Variants in PBOV1 observed in about 807,000 individuals in gnomAD.
The protein encoded by PBOV1 is prostate and breast cancer overexpressed 1, also known as prostate and breast cancer overexpressed gene 1 protein.
For missense variants in PBOV1, 147 were observed against 151.4 expected, an observed-to-expected ratio of 0.97 and a Z score of 0.15; for synonymous variants, 46 against 55.9, an observed-to-expected ratio of 0.82 and a Z score of 0.79.
At position 138,218,202 on chromosome 6, in the gene PBOV1, G is replaced by T; in HGVS notation, c.194C>A (p.Ala65Glu). ...TATGGAATAATCAATGAACTCTGTT[G>T]CCTTTTGACTTCTTTTTACTTTTTC... ...KKEKVKRSQK[A>E]TEFIDYSIEQ... The change falls in exon 1 of 1, where the codon GCA becomes GAA. Residue 65 changes from alanine (A) to glutamate (E), a missense_variant. By Grantham distance (107) the Ala-to-Glu change is moderately radical. Transcript: ENST00000527246. The T allele has an allele frequency of 6.2e-7, 1 of 1,613,878 alleles. No homozygotes were observed. Among genetic ancestry groups the T allele is most frequent in the Non-Finnish European group, 8.5e-7 (1 of 1,179,840 alleles).
In PBOV1 at chr6:138,217,940, T is replaced by C. The variant is rs1242878479; in HGVS notation, c.*48A>G. Reference sequence around the variant, plus strand: ...AGTCATTGGTAGCAGAATTGCCTTTTCAACCATTTTTATTTTTCTGGAAAG... The same window carrying C: ...AGTCATTGGTAGCAGAATTGCCTTTCCAACCATTTTTATTTTTCTGGAAAG... On this transcript the variant is annotated 3_prime_UTR_variant, in exon 1 of 1. Coordinates refer to ENST00000527246, the MANE Select transcript of PBOV1 (RefSeq NM_021635.3). 6.5e-7 allele frequency: 1 copy of C among 1,542,684 alleles called. No individual in the cohort carries two copies. The highest frequency in any genetic ancestry group is 8.7e-7 in the Non-Finnish European group (1 of 1,145,566).
rs941058258 is a variant in PBOV1, at chr6:138,217,497, A to G, written c.*491T>C. On this transcript the variant is annotated 3_prime_UTR_variant, in exon 1 of 1. Coordinates refer to ENST00000527246, the MANE Select transcript of PBOV1 (RefSeq NM_021635.3). ...TAAATATATAAATACACTAGTCCCC[A>G]CTTATCCAAAGTTTCACTTTCCTTG... 1 of 153,234 alleles carries G rather than the reference A, an allele frequency of 6.5e-6. No individual in the cohort carries two copies. Among genetic ancestry groups the G allele is most frequent in the Non-Finnish European group, 1.5e-5 (1 of 68,750 alleles). 9.5% of individuals were successfully genotyped at this position (153,234 alleles called of 1,614,324 possible).
In PBOV1 at chr6:138,216,795, A is replaced by G. The variant is rs144087775; in HGVS notation, c.*1193T>C. The G allele has an allele frequency of 6.6e-6, 1 of 152,324 alleles. No individual in the cohort carries two copies. The highest frequency in any genetic ancestry group is 1.5e-5 in the Non-Finnish European group (1 of 68,026). The allele number at this position is 152,324 out of a possible 1,614,324, so 9.4% of individuals were successfully genotyped here. On this transcript the variant is annotated 3_prime_UTR_variant, in exon 1 of 1. Coordinates refer to ENST00000527246, the MANE Select transcript of PBOV1 (RefSeq NM_021635.3). Reference sequence around the variant, plus strand: ...TTTGATGAAAAATATTTAACTCCTGAATGTGTCGTTGTTGGAGGTTGATCT... The same window carrying G: ...TTTGATGAAAAATATTTAACTCCTGGATGTGTCGTTGTTGGAGGTTGATCT...
rs995904398 is a variant in PBOV1 at position 138,218,480 on chromosome 6, A to T, written c.-85T>A. ...TTATACATCAATTAGCCACCTCGAT[A>T]TATTTAAGGTCCTAACCATCAGCCA... On this transcript the variant is annotated 5_prime_UTR_variant, in exon 1 of 1. Coordinates refer to ENST00000527246, the MANE Select transcript of PBOV1 (RefSeq NM_021635.3). The T allele has an allele frequency of 6.9e-7, 1 of 1,455,128 alleles. No homozygotes were observed. The allele number at this position is 1,455,128 out of a possible 1,614,324, so 90.1% of individuals were successfully genotyped here.
In PBOV1 at chr6:138,217,883, G is replaced by A; in HGVS notation, c.*105C>T. On this transcript the variant is annotated 3_prime_UTR_variant, in exon 1 of 1. Coordinates refer to ENST00000527246, the MANE Select transcript of PBOV1 (RefSeq NM_021635.3). ...TTCTTTTCATAAGTAAATTGAAGTT[G>A]GAATGGTTCAGTTACTTGGCTGGGC... is the stretch of plus-strand genomic sequence containing the variant. 6 of 1,396,374 alleles carry A rather than the reference G, an allele frequency of 4.3e-6. No individual in the cohort carries two copies. Among genetic ancestry groups the A allele is most frequent in the Admixed American group, 5.1e-5 (2 of 38,912 alleles). The allele number at this position is 1,396,374 out of a possible 1,614,324, so 86.5% of individuals were successfully genotyped here. A position where few individuals can be genotyped will look rare whatever the true frequency, so the allele number is the denominator to read the frequency against.
At position 138,216,591 on chromosome 6, in the gene PBOV1, G is replaced by T. The variant is rs1017423429; in HGVS notation, c.*1397C>A. Reference sequence around the variant, plus strand: ...TGGTTAGTTTTGATGTTCTTAACTCGGGGCATTTGGTCTTCTAGAGTTCCT... The same window carrying T: ...TGGTTAGTTTTGATGTTCTTAACTCTGGGCATTTGGTCTTCTAGAGTTCCT... On this transcript the variant is annotated 3_prime_UTR_variant, in exon 1 of 1. Coordinates refer to ENST00000527246, the MANE Select transcript of PBOV1 (RefSeq NM_021635.3). 1 of 152,158 alleles carries T rather than the reference G, an allele frequency of 6.6e-6. No individual in the cohort carries two copies. Among genetic ancestry groups the T allele is most frequent in the African/African-American group, 2.4e-5 (1 of 41,420 alleles). 9.4% of individuals were successfully genotyped at this position (152,158 alleles called of 1,614,324 possible). A position where few individuals can be genotyped will look rare whatever the true frequency, so the allele number is the denominator to read the frequency against.
chr6:138,217,889 G>T lies in PBOV1; in HGVS notation c.*99C>A. The T allele has an allele frequency of 7.0e-7, 1 of 1,427,364 alleles. No homozygotes were observed. The highest frequency in any genetic ancestry group is 9.4e-7 in the Non-Finnish European group (1 of 1,064,656). The allele number at this position is 1,427,364 out of a possible 1,614,324, so 88.4% of individuals were successfully genotyped here. A position where few individuals can be genotyped will look rare whatever the true frequency, so the allele number is the denominator to read the frequency against. On this transcript the variant is annotated 3_prime_UTR_variant, in exon 1 of 1. Transcript: ENST00000527246. ...TCATAAGTAAATTGAAGTTGGAATG[G>T]TTCAGTTACTTGGCTGGGCTTAAAC...
chr6:138,217,952 A>T lies in PBOV1; in HGVS notation c.*36T>A. ...CAGAATTGCCTTTTCAACCATTTTT[A>T]TTTTTCTGGAAAGGCTTTGCAGCAG... On this transcript the variant is annotated 3_prime_UTR_variant, in exon 1 of 1. Coordinates refer to ENST00000527246, the MANE Select transcript of PBOV1 (RefSeq NM_021635.3). 6.5e-7 allele frequency: 1 copy of T among 1,549,594 alleles called. No individual in the cohort carries two copies. Among genetic ancestry groups the T allele is most frequent in the Admixed American group, 2.0e-5 (1 of 50,584 alleles).
chr6:138,218,209 G>C lies in PBOV1; in HGVS notation c.187C>G (p.Gln63Glu). 1 of 1,613,862 alleles carries C rather than the reference G, an allele frequency of 6.2e-7. No individual in the cohort carries two copies. Among genetic ancestry groups the C allele is most frequent in the Non-Finnish European group, 8.5e-7 (1 of 1,179,844 alleles). The part of the protein sequence containing the change: ...FRKKEKVKRS[Q>E]KATEFIDYSI... Reference sequence around the variant, plus strand: ...TAATCAATGAACTCTGTTGCCTTTTGACTTCTTTTTACTTTTTCTTTTTTT... The same window carrying C: ...TAATCAATGAACTCTGTTGCCTTTTCACTTCTTTTTACTTTTTCTTTTTTT... Residue 63 changes from glutamine to glutamate, a missense_variant, in exon 1 of 1, where the codon CAA (glutamine) becomes GAA (glutamate). Gln to Glu is a conservative substitution (Grantham distance 29). Coordinates refer to ENST00000527246, the MANE Select transcript of PBOV1 (RefSeq NM_021635.3).
rs1562357318 is a variant in PBOV1, at chr6:138,217,946, A to G, written c.*42T>C. On this transcript the variant is annotated 3_prime_UTR_variant, in exon 1 of 1. Coordinates refer to ENST00000527246, the MANE Select transcript of PBOV1 (RefSeq NM_021635.3). ...TGGTAGCAGAATTGCCTTTTCAACC[A>G]TTTTTATTTTTCTGGAAAGGCTTTG... is the stretch of plus-strand genomic sequence containing the variant. 4 of 1,547,334 alleles carry G rather than the reference A, an allele frequency of 2.6e-6. No individual in the cohort carries two copies. The highest frequency in any genetic ancestry group is 3.5e-6 in the Non-Finnish European group (4 of 1,147,728).
rs1025956174 is a variant in PBOV1, at chr6:138,217,760, T to C, written c.*228A>G. The C allele has an allele frequency of 2.1e-5, 12 of 572,318 alleles. No homozygotes were observed. Among genetic ancestry groups the C allele is most frequent in the African/African-American group, 3.8e-5 (2 of 52,308 alleles). The allele number at this position is 572,318 out of a possible 1,614,324, so 35.5% of individuals were successfully genotyped here. ...TGGCCCACTAGGATAAATAACAAAC[T>C]AAATTGAGATAATAGATAATAATCT... On this transcript the variant is annotated 3_prime_UTR_variant, in exon 1 of 1. Transcript: ENST00000527246.
Position 138,216,555 on chromosome 6 carries a change from G to GT in PBOV1, c.*1432dup, listed in dbSNP as rs1777866291. The GT allele has an allele frequency of 6.6e-6, 1 of 152,164 alleles. No individual in the cohort carries two copies. The highest frequency in any genetic ancestry group is 2.4e-5 in the African/African-American group (1 of 41,436). The allele number at this position is 152,164 out of a possible 1,614,324, so 9.4% of individuals were successfully genotyped here. On this transcript the variant is annotated 3_prime_UTR_variant, in exon 1 of 1. Transcript: ENST00000527246. ...AATGGCAGAGTCTTACACTTGGGAAGTTTCTTCAGATGGTTAGTTTTGATG... is the reference window on the plus strand; with the variant it reads ...AATGGCAGAGTCTTACACTTGGGAAGTTTTCTTCAGATGGTTAGTTTTGATG...
Position 138,218,290 on chromosome 6 carries a change from G to A in PBOV1, c.106C>T (p.Pro36Ser), listed in dbSNP as rs1181552228. 1 of 1,592,008 alleles carries A rather than the reference G, an allele frequency of 6.3e-7. No homozygotes were observed. The highest frequency in any genetic ancestry group is 1.1e-5 in the South Asian group (1 of 88,788). Residue 36 changes from proline to serine, a missense_variant, in exon 1 of 1, where the codon CCA (proline) becomes TCA (serine). By Grantham distance (74) the Pro-to-Ser change is moderately conservative. Coordinates refer to ENST00000527246, the MANE Select transcript of PBOV1 (RefSeq NM_021635.3). Reference protein sequence around the residue: ...RHRLSNFPRLPGILAPETVLL... With the variant: ...RHRLSNFPRLSGILAPETVLL... Reference sequence around the variant, plus strand: ...ACAGTTTCTGGAGCTAGAATGCCTGGTAGCCTTGGGAAGTTACTTAATCTG... The same window carrying A: ...ACAGTTTCTGGAGCTAGAATGCCTGATAGCCTTGGGAAGTTACTTAATCTG...
rs925772108 is a variant in PBOV1 at position 138,217,238 on chromosome 6, C to A, written c.*750G>T. 7 of 152,192 alleles carry A rather than the reference C, an allele frequency of 4.6e-5. No individual in the cohort carries two copies. Among genetic ancestry groups the A allele is most frequent in the African/African-American group, 1.7e-4 (7 of 41,436 alleles). The allele number at this position is 152,192 out of a possible 1,614,324, so 9.4% of individuals were successfully genotyped here. A position where few individuals can be genotyped will look rare whatever the true frequency, so the allele number is the denominator to read the frequency against. On this transcript the variant is annotated 3_prime_UTR_variant, in exon 1 of 1. Transcript: ENST00000527246. ...TGTCTTTAAACTTTTCTCACATAAT[C>A]TTAATTTAAGCGCATATAAATGCAG...
Position 138,218,153 on chromosome 6 carries a change from G to A in PBOV1, c.243C>T (p.Leu81=). Residue 81 remains leucine (L), a synonymous_variant, in exon 1 of 1, where the codon CTC becomes CTT. Coordinates refer to ENST00000527246, the MANE Select transcript of PBOV1 (RefSeq NM_021635.3). The part of the protein sequence containing the change: ...YSIEQSHHAI[L]TPLQTHLTMK... The stretch of plus-strand genomic sequence containing the variant: ...TGGTCAAGTGTGTCTGCAAGGGTGT[G>A]AGAATTGCATGGTGTGACTGTTCTA... 1 of 1,613,964 alleles carries A rather than the reference G, an allele frequency of 6.2e-7. No individual in the cohort carries two copies. Among genetic ancestry groups the A allele is most frequent in the Non-Finnish European group, 8.5e-7 (1 of 1,179,858 alleles).
rs1777910986 is a variant in PBOV1, at chr6:138,218,223, T to C, written c.173A>G (p.Lys58Arg). ...FCYKVFRKKE[K>R]VKRSQKATEF... ...TGTTGCCTTTTGACTTCTTTTTACT[T>C]TTTCTTTTTTTCGAAATACCTTGTA... Residue 58 changes from lysine (K) to arginine (R), a missense_variant, in exon 1 of 1, where the codon AAA becomes AGA. By Grantham distance (26) the Lys-to-Arg change is conservative. Coordinates refer to ENST00000527246, the MANE Select transcript of PBOV1 (RefSeq NM_021635.3). 3.1e-6 allele frequency: 5 copies of C among 1,613,836 alleles called. No homozygotes were observed. The highest frequency in any genetic ancestry group is 4.2e-6 in the Non-Finnish European group (5 of 1,179,820).
In PBOV1 at chr6:138,218,163, T is replaced by C. The variant is rs377205904; in HGVS notation, c.233A>G (p.His78Arg). The C allele has an allele frequency of 3.8e-5, 62 of 1,613,860 alleles. No homozygotes were observed. Among genetic ancestry groups the C allele is most frequent in the African/African-American group, 1.6e-4 (12 of 74,942 alleles). The change falls in exon 1 of 1, where the codon CAT becomes CGT. Residue 78 changes from histidine to arginine, a missense_variant. His to Arg is a conservative substitution (Grantham distance 29). Coordinates refer to ENST00000527246, the MANE Select transcript of PBOV1 (RefSeq NM_021635.3). ...FIDYSIEQSH[H>R]AILTPLQTHL... The stretch of plus-strand genomic sequence containing the variant: ...TGTCTGCAAGGGTGTGAGAATTGCA[T>C]GGTGTGACTGTTCTATGGAATAATC...
Position 138,218,415 on chromosome 6 carries a change from A to G in PBOV1, c.-20T>C, listed in dbSNP as rs747102219. 2 of 1,517,306 alleles carry G rather than the reference A, an allele frequency of 1.3e-6. No individual in the cohort carries two copies. Among genetic ancestry groups the G allele is most frequent in the African/African-American group, 1.4e-5 (1 of 71,060 alleles). The allele number at this position is 1,517,306 out of a possible 1,614,324, so 94.0% of individuals were successfully genotyped here. ...CCTCATATTTACTACTGTAAATTGA[A>G]TTGTAGCTCTGTAGCATAGAAGAAT... On this transcript the variant is annotated 5_prime_UTR_variant, in exon 1 of 1. Coordinates refer to ENST00000527246, the MANE Select transcript of PBOV1 (RefSeq NM_021635.3).
Position 138,217,708 on chromosome 6 carries a change from G to A in PBOV1, c.*280C>T, listed in dbSNP as rs1455887140. 4.6e-5 allele frequency: 16 copies of A among 347,664 alleles called. No individual in the cohort carries two copies. In the East Asian group the frequency reaches 8.5e-4, roughly 18 times the overall value. 21.5% of individuals were successfully genotyped at this position (347,664 alleles called of 1,614,324 possible). A position where few individuals can be genotyped will look rare whatever the true frequency, so the allele number is the denominator to read the frequency against. ...TAGTTTAGTTATTGACTAATGGAGA[G>A]ACAGAAACACATGTGGTAGTTTTTA... On this transcript the variant is annotated 3_prime_UTR_variant, in exon 1 of 1. Transcript: ENST00000527246.
Sources: allele counts gnomAD v4.1 joint callset, GRCh38; gene constraint gnomAD v4.1.1; transcripts MANE v1.5; gene names NCBI Gene and HGNC (gene_info 2026-07-23, HGNC 2026-07-21).